Variants in ADAMTS17 observed in about 807,000 individuals in gnomAD.
ADAMTS17 encodes A disintegrin and metalloproteinase with thrombospondin motifs 17.
A neutral mutation model predicts 141.5 loss-of-function variants in ADAMTS17; 113 were observed. The observed-to-expected ratio is 0.80, with a 90% confidence interval of 0.69 to 0.93. ADAMTS17 has a LOEUF of 0.93. ADAMTS17 is among the 40% of genes least tolerant of loss of function. The probability of loss-of-function intolerance (pLI) is 0.00; values close to 1 mark genes in which losing one functional copy is unlikely to be tolerated. For synonymous variants in ADAMTS17, 768 were observed against 630.6 expected (o/e 1.22, Z -3.27); for missense variants, 1,659 against 1,517.9 (o/e 1.09, Z -1.54).
chr15:100,235,744 G>A lies in ADAMTS17; in HGVS notation c.1075+18392C>T, dbSNP rs745395955. Among the ~76,000 whole-genome samples the A allele has an allele frequency of 2.8e-4, 43 of 152,208 alleles. 1 individual carries two copies. The highest frequency in any genetic ancestry group is 6.0e-4 in the Non-Finnish European group (41 of 68,042). On this transcript the variant is annotated intron_variant, in intron 7 of 21. Coordinates refer to ENST00000268070, the MANE Select transcript of ADAMTS17 (RefSeq NM_139057.4). ...AGGGCCCTCTCTGACATCAAAAGGT[G>A]CTGGGGGCACTGAAACAAGAACAAC...
chr15:100,127,945 C>A (rs920600878), intron 12 of ADAMTS17, among the ~76,000 whole-genome samples: 5 of 151,666 alleles, frequency 3.3e-5, no homozygotes, highest in Non-Finnish European at 5.9e-5. Flanking sequence ...TCCCATGGGG[C>A]TGCATTCAAT....
At chr15:100,108,186 C>T (rs2141090960) in intron 14 of ADAMTS17, among the ~76,000 whole-genome samples, 1 of 151,540 alleles carries the variant, frequency 6.6e-6, no homozygotes, top group East Asian at 1.9e-4. Flanking sequence ...TTTTTTTTCC[C>T]CCCGAGACGG....
rs575831519 is a variant in ADAMTS17, at chr15:100,214,057, TTTTG to T, written c.1076-14638_1076-14635del. On this transcript the variant is annotated intron_variant, in intron 7 of 21. Coordinates refer to ENST00000268070, the MANE Select transcript of ADAMTS17 (RefSeq NM_139057.4). ...ACGGAGAGTGAGGGTTGTTTTTGTT[TTTTG>T]TTTGTTTGTTTTGCCAAAAAAGCCT... Among the ~76,000 whole-genome samples the T allele has an allele frequency of 1.8e-3, 281 of 152,288 alleles. 2 individuals are homozygous for T. The highest frequency in any genetic ancestry group is 5.5e-3 in the African/African-American group (229 of 41,560).
chr15:100,063,842 C>G (rs1370564227), intron 15 of ADAMTS17: 2 of 983,436 alleles, frequency 2.0e-6, no homozygotes, highest in East Asian at 6.1e-5. Flanking sequence ...CAAAATCTAG[C>G]TACCAAGCCC....
intron 15 of ADAMTS17, among the ~76,000 whole-genome samples, chr15:100,061,781 C>T (rs140708844): frequency 6.6e-6 from 1 of 152,210 alleles, no homozygotes; most frequent in Non-Finnish European, 1.5e-5. Flanking sequence ...GATGGAAGAA[C>T]CACTACTTCG....
chr15:100,245,127 CTT>C (rs536476140), intron 7 of ADAMTS17, among the ~76,000 whole-genome samples: 103 of 152,318 alleles, frequency 6.8e-4, no homozygotes, highest in African/African-American at 2.2e-3. Flanking sequence ...TCCTTCTACT[CTT>C]GTCACACTGA....
Position 100,341,539 on chromosome 15 carries a change from C to G in ADAMTS17, c.80-130G>C, listed in dbSNP as rs2046367521. On this transcript the variant is annotated intron_variant, in intron 1 of 21. Coordinates refer to ENST00000268070, the MANE Select transcript of ADAMTS17 (RefSeq NM_139057.4). ...CGGCGCTGCCTTCCCTTCCCTCGCC[C>G]GGCACCTCCACGCTGGCCCGCGCCA... is the stretch of plus-strand genomic sequence containing the variant. 4 of 912,586 alleles carry G rather than the reference C, an allele frequency of 4.4e-6. No individual in the cohort carries two copies. In the African/African-American group the frequency reaches 5.4e-5, roughly 12 times the overall value. The allele number at this position is 912,586 out of a possible 1,614,324, so 56.5% of individuals were successfully genotyped here. A position where few individuals can be genotyped will look rare whatever the true frequency, so the allele number is the denominator to read the frequency against.
intron 14 of ADAMTS17, 98 bp downstream of exon 14, chr15:100,108,891 T>A: frequency 6.3e-7 from 1 of 1,599,592 alleles, no homozygotes; most frequent in East Asian, 2.2e-5. Flanking sequence ...TCCACTCCCC[T>A]AGGCCTCCTG....
At position 100,018,866 on chromosome 15, in the gene ADAMTS17, C is replaced by T. The variant is rs61172167; in HGVS notation, c.2592-21277G>A. The stretch of plus-strand genomic sequence containing the variant: ...AATATGTGACTAAGCCACATTTGGC[C>T]ATGATGGGAGAAATGTTCTCACACG... On this transcript the variant is annotated intron_variant, in intron 18 of 21. Coordinates refer to ENST00000268070, the MANE Select transcript of ADAMTS17 (RefSeq NM_139057.4). Among the ~76,000 whole-genome samples, 1,501 of 152,262 alleles carry T rather than the reference C, an allele frequency of 9.9e-3. 19 individuals carry two copies. The highest frequency in any genetic ancestry group is 0.034 in the African/African-American group (1,430 of 41,538).
chr15:100,290,154 C>A (rs2044581346), intron 3 of ADAMTS17, among the ~76,000 whole-genome samples: 1 of 152,054 alleles, frequency 6.6e-6, no homozygotes, highest in Admixed American at 6.6e-5. Flanking sequence ...TCTGATAACT[C>A]CAGCAAAGTT....
rs188492612 is a variant in ADAMTS17 at position 100,125,382 on chromosome 15, G to A, written c.1721+6625C>T. Among the ~76,000 whole-genome samples the A allele has an allele frequency of 4.6e-5, 7 of 152,342 alleles. No individual in the cohort carries two copies. The East Asian group carries it at 1.2e-3, about 25-fold the overall frequency. ...AAGCACATAGATGGGGTTTCACTGT[G>A]GAAGCAAAAACCAGTTACAGGCACA... On this transcript the variant is annotated intron_variant, in intron 12 of 21. Transcript: ENST00000268070.
At chr15:100,206,499 T>C (rs1466763626) in intron 7 of ADAMTS17, among the ~76,000 whole-genome samples, 1 of 152,164 alleles carries the variant, frequency 6.6e-6, no homozygotes, top group East Asian at 1.9e-4. Context: ...TTTCGGTCAA[T>C]AATTTTAAAA....
chr15:100,111,466 C>T (rs779851319), intron 13 of ADAMTS17, among the ~76,000 whole-genome samples: 6 of 152,210 alleles, frequency 3.9e-5, no homozygotes, highest in Non-Finnish European at 7.3e-5. Context: ...AGGGAGCTTG[C>T]TTGACAGGGT....
intron 7 of ADAMTS17, among the ~76,000 whole-genome samples, chr15:100,253,854 C>T (rs919562029): frequency 2.0e-5 from 3 of 152,076 alleles, no homozygotes; most frequent in Non-Finnish European, 4.4e-5. Flanking sequence ...CCAAATGCAC[C>T]CCCAACTGCA....
intron 3 of ADAMTS17, among the ~76,000 whole-genome samples, chr15:100,299,575 G>A (rs929989967): frequency 6.6e-5 from 10 of 151,534 alleles, no homozygotes; most frequent in African/African-American, 2.2e-4. Flanking sequence ...TAATTAATGT[G>A]TTCACGTTTC....
At chr15:100,198,767 C>T (rs1301701521) in intron 8 of ADAMTS17, among the ~76,000 whole-genome samples, 1 of 152,178 alleles carries the variant, frequency 6.6e-6, no homozygotes. Context: ...ATCTGAACAA[C>T]CAGGAGGTTG....
chr15:100,059,275 C>T (rs1567104216), intron 15 of ADAMTS17, among the ~76,000 whole-genome samples: 1 of 152,270 alleles, frequency 6.6e-6, no homozygotes, highest in Non-Finnish European at 1.5e-5. Flanking sequence ...CCACGCACTG[C>T]CTGTGGCCAT....
At position 100,341,192 on chromosome 15, in the gene ADAMTS17, G is replaced by A. The variant is rs780619595; in HGVS notation, c.297C>T (p.Asp99=). The A allele has an allele frequency of 5.8e-5, 85 of 1,463,340 alleles. 1 individual carries two copies. In the South Asian group the frequency reaches 8.8e-4, roughly 15 times the overall value. The allele number at this position is 1,463,340 out of a possible 1,614,324, so 90.6% of individuals were successfully genotyped here. ...CGAAGCCTCGGGACAGGAAGCGCAG[G>A]TCGCGGCGCAGCTGAAGGTACAGGT... ...GRDLYLQLRR[D]LRFLSRGFEV... is the part of the protein sequence containing the mutation. Residue 99 remains aspartate (D), a synonymous_variant, in exon 2 of 22, where the codon GAC becomes GAT. Coordinates refer to ENST00000268070, the MANE Select transcript of ADAMTS17 (RefSeq NM_139057.4).
chr15:100,199,850 G>A (rs111384133), intron 7 of ADAMTS17, among the ~76,000 whole-genome samples: 4 of 152,346 alleles, frequency 2.6e-5, no homozygotes, highest in South Asian at 4.1e-4. Context: ...CACCGAGGGT[G>A]CAAGGTTTAA....
Sources: gnomAD v4.1 joint callset for allele counts (sites outside exome capture counted in the v4.1 genomes callset) on GRCh38, gnomAD v4.1.1 for gene constraint, MANE v1.5 for transcripts, NCBI Gene and HGNC (gene_info 2026-07-23, HGNC 2026-07-21) for gene names.